The following DOCK5 variants were observed in gnomAD, a reference collection of about 807,000 sequenced individuals.
DOCK5 encodes the protein dedicator of cytokinesis protein 5.
DOCK5 carries 142 observed loss-of-function variants against 251.8 expected under a neutral mutation model. The ratio of observed to expected loss-of-function variants is 0.56; its 90% CI spans 0.49 to 0.65. The LOEUF is 0.65. Among genes scored for constraint, DOCK5 ranks in the 30% least tolerant of loss-of-function variants. The probability of loss-of-function intolerance (pLI) is 0.00; values close to 1 mark genes in which losing one functional copy is unlikely to be tolerated. For missense variants in DOCK5, 2,111 were observed against 2,312.3 expected (o/e 0.91, Z 1.79); for synonymous variants, 842 against 835.5 (o/e 1.01, Z -0.13).
At chr8:25,199,205 G>A (rs115355645) in intron 1 of DOCK5, among the ~76,000 whole-genome samples, 1,954 of 152,252 alleles carry the variant, frequency 0.013, 45 homozygotes, top group African/African-American at 0.045. Context: ...TTTAAGGGGT[G>A]AAGAAAGGGT....
chr8:25,380,374 G>A lies in DOCK5; in HGVS notation c.4006G>A (p.Glu1336Lys), dbSNP rs575101093. The change falls in exon 39 of 52, where the codon GAG (glutamate) becomes AAG (lysine). Residue 1336 changes from glutamate to lysine, a missense_variant. Transcript: ENST00000276440. ...ETYESKVFDYEGLGNLLKKRA... is the reference protein window; with the variant it reads ...ETYESKVFDYKGLGNLLKKRA... ...TTACGAAAGCAAAGTATTTGACTAC[G>A]AGGGCCTTGGCAACCTCCTGGTGAG... 1.4e-4 allele frequency: 219 copies of A among 1,610,016 alleles called. 2 individuals are homozygous for A. The South Asian group carries it at 2.2e-3, about 16-fold the overall frequency.
intron 31 of DOCK5, among the ~76,000 whole-genome samples, chr8:25,367,671 T>G (rs1480038513): frequency 6.6e-6 from 1 of 152,360 alleles, no homozygotes; most frequent in African/African-American, 2.4e-5. Flanking sequence ...AAGTATTTTT[T>G]GCTCCCAAGG....
intron 48 of DOCK5, among the ~76,000 whole-genome samples, chr8:25,404,994 G>A (rs1341879001): frequency 3.9e-5 from 6 of 152,024 alleles, no homozygotes; most frequent in African/African-American, 1.4e-4. Flanking sequence ...GCCTGAAGTT[G>A]AACATCTTTT....
At chr8:25,207,194 A>G (rs187816926) in intron 1 of DOCK5, among the ~76,000 whole-genome samples, 4 of 152,288 alleles carry the variant, frequency 2.6e-5, no homozygotes, top group East Asian at 3.9e-4. Context: ...CAATAAAGCA[A>G]TGGTTCATGA....
chr8:25,409,043 A>G, intron 50 of DOCK5, 103 bp downstream of exon 50: 4 of 1,511,314 alleles, frequency 2.6e-6, no homozygotes, highest in East Asian at 2.3e-5. Context: ...ATGTAAGACC[A>G]TTGTAAAACT....
intron 1 of DOCK5, among the ~76,000 whole-genome samples, chr8:25,218,851 A>G (rs1267225946): frequency 1.3e-5 from 2 of 152,180 alleles, no homozygotes; most frequent in South Asian, 2.1e-4. Flanking sequence ...AGGCTGGGTA[A>G]CAGAAATAAT....
rs143521106 is a variant in DOCK5 at position 25,372,555 on chromosome 8, C to G, written c.3525-4C>G. 2.7e-4 allele frequency: 421 copies of G among 1,570,718 alleles called. 6 individuals carry two copies. In the East Asian group the frequency reaches 8.4e-3, roughly 31 times the overall value. ...GGCTTTTGTCTCTCCCTCCGCCCCTCCAGGCTCCTAGAACATTGCCGGAAA... is the reference window on the plus strand; with the variant it reads ...GGCTTTTGTCTCTCCCTCCGCCCCTGCAGGCTCCTAGAACATTGCCGGAAA... On this transcript the variant is annotated splice_polypyrimidine_tract_variant and splice_region_variant and intron_variant, in intron 34 of 51. Coordinates refer to ENST00000276440, the MANE Select transcript of DOCK5 (RefSeq NM_024940.8).
intron 2 of DOCK5, among the ~76,000 whole-genome samples, chr8:25,250,423 CCA>C (rs982103500): frequency 3.3e-5 from 5 of 152,274 alleles, no homozygotes; most frequent in African/African-American, 1.2e-4. Flanking sequence ...ACTGGCTTGC[CCA>C]CAGTCATTTT....
At chr8:25,273,690 C>A (rs574685243) in intron 3 of DOCK5, among the ~76,000 whole-genome samples, 2 of 152,166 alleles carry the variant, frequency 1.3e-5, no homozygotes, top group African/African-American at 4.8e-5. Context: ...TGTGCCTATG[C>A]GTGTATGTTT....
In DOCK5 at chr8:25,400,823, A is replaced by G. The variant is rs1411609334; in HGVS notation, c.4789-106A>G. ...AGTGGCCTTCCCATTGGCCAGCACT[A>G]TGTCTAGCAGTTTACCTTTCCACCC... On this transcript the variant is annotated intron_variant, in intron 46 of 51. Transcript: ENST00000276440. 1.3e-5 allele frequency: 17 copies of G among 1,287,252 alleles called. 1 individual carries two copies. The highest frequency in any genetic ancestry group is 1.9e-5 in the Non-Finnish European group (17 of 914,676). The allele number at this position is 1,287,252 out of a possible 1,614,324, so 79.7% of individuals were successfully genotyped here.
chr8:25,315,211 C>T (rs986985999), intron 13 of DOCK5, among the ~76,000 whole-genome samples: 3 of 148,364 alleles, frequency 2.0e-5, no homozygotes, highest in African/African-American at 7.4e-5. Context: ...TCACACCAGA[C>T]ACCCCCTCAC....
chr8:25,376,231 G>T, intron 37 of DOCK5: 2 of 985,334 alleles, frequency 2.0e-6, no homozygotes, highest in Non-Finnish European at 2.4e-6. Flanking sequence ...TTTCATTTGG[G>T]AAACTCAGGA....
chr8:25,227,422 T>G (rs1387625545), intron 1 of DOCK5, among the ~76,000 whole-genome samples: 1 of 152,138 alleles, frequency 6.6e-6, no homozygotes, highest in African/African-American at 2.4e-5. Flanking sequence ...TATTAAATCA[T>G]TTGTCCTGCT....
At position 25,325,546 on chromosome 8, in the gene DOCK5, T is replaced by C; in HGVS notation, c.1902T>C (p.Asn634=). The C allele has an allele frequency of 6.2e-7, 1 of 1,613,026 alleles. No homozygotes were observed. Among genetic ancestry groups the C allele is most frequent in the Non-Finnish European group, 8.5e-7 (1 of 1,179,414 alleles). ...TCTGCTCCACAAAGCTCACCCAGAA[T>C]GGTAGGAGTGGTGAATACACTGACA... is the stretch of plus-strand genomic sequence containing the variant. ...TLICSTKLTQ[N]VDLLGLLNWR... Residue 634 remains asparagine, a splice_region_variant and synonymous_variant, in exon 18 of 52, where the codon AAT becomes AAC. Transcript: ENST00000276440.
At position 25,241,488 on chromosome 8, in the gene DOCK5, A is replaced by G. The variant is rs1368773160; in HGVS notation, c.44-2186A>G. Among the ~76,000 whole-genome samples, 3 of 152,166 alleles carry G rather than the reference A, an allele frequency of 2.0e-5. No individual in the cohort carries two copies. The East Asian group carries it at 5.8e-4, about 29-fold the overall frequency. ...GCAAGACTCCGTCTCAAAAAAAAAAAAAGTCAGGAAACAACAGATGCTGGA... is the reference window on the plus strand; with the variant it reads ...GCAAGACTCCGTCTCAAAAAAAAAAGAAGTCAGGAAACAACAGATGCTGGA... On this transcript the variant is annotated intron_variant, in intron 1 of 51. Transcript: ENST00000276440.
chr8:25,338,154 A>G (rs1032095498), intron 22 of DOCK5, among the ~76,000 whole-genome samples: 7 of 151,336 alleles, frequency 4.6e-5, no homozygotes, highest in Non-Finnish European at 8.8e-5. Context: ...CGATCCTCCA[A>G]CCTTAGCCCC....
At chr8:25,206,757 A>G (rs183015129) in intron 1 of DOCK5, among the ~76,000 whole-genome samples, 3 of 152,342 alleles carry the variant, frequency 2.0e-5, no homozygotes, top group Admixed American at 2.0e-4. Context: ...TAAGTACTCA[A>G]TCAGGTTCCT....
chr8:25,370,619 C>T (rs893710277), intron 34 of DOCK5, among the ~76,000 whole-genome samples: 1 of 152,142 alleles, frequency 6.6e-6, no homozygotes, highest in Non-Finnish European at 1.5e-5. Flanking sequence ...GTCCTCCCGC[C>T]TCAGACTCCC....
intron 3 of DOCK5, among the ~76,000 whole-genome samples, chr8:25,269,748 G>C (rs1803856890): frequency 1.3e-5 from 2 of 152,258 alleles, no homozygotes; most frequent in South Asian, 4.1e-4. Context: ...AAAGAGCAGA[G>C]TTGATAGGGC....
Sources: allele counts gnomAD v4.1 joint callset (sites outside exome capture counted in the v4.1 genomes callset), GRCh38; gene constraint gnomAD v4.1.1; transcripts MANE v1.5; gene names NCBI Gene and HGNC (gene_info 2026-07-23, HGNC 2026-07-21).